The following IMPG1 variants were observed in gnomAD, a reference collection of about 807,000 sequenced individuals.
IMPG1 encodes interphotoreceptor matrix proteoglycan of 150 kDa.
In IMPG1, 85 loss-of-function variants were observed where a neutral mutation model predicts 92.0. That is an observed-to-expected ratio of 0.92 (90% CI 0.78 to 1.11). The LOEUF (loss-of-function observed/expected upper bound fraction) is 1.11. Among genes scored for constraint, IMPG1 ranks in the 50% least tolerant of loss-of-function variants. The pLI is 0.00. For synonymous variants in IMPG1, 367 were observed against 334.1 expected (o/e 1.10, Z -1.08); for missense variants, 1,022 against 956.0 (o/e 1.07, Z -0.91).
intron 14 of IMPG1, among the ~76,000 whole-genome samples, chr6:75,932,638 T>A (rs1781683969): frequency 6.6e-6 from 1 of 152,154 alleles, no homozygotes; most frequent in Non-Finnish European, 1.5e-5. Context: ...ATCTGCCATA[T>A]CCCAAAGACA....
rs1169957347 is a variant in IMPG1 at position 76,028,376 on chromosome 6, T to C, written c.498-3118A>G. On this transcript the variant is annotated intron_variant, in intron 4 of 16. Transcript: ENST00000369950. Reference sequence around the variant, plus strand: ...AATAAAGGAAAATGTACAGGACTCATGAGGAGCTGAAATGCTCACGAATAT... The same window carrying C: ...AATAAAGGAAAATGTACAGGACTCACGAGGAGCTGAAATGCTCACGAATAT... 3.3e-5 allele frequency among the ~76,000 whole-genome samples: 5 copies of C among 152,352 alleles called. No homozygotes were observed. In the East Asian group the frequency reaches 9.6e-4, roughly 29 times the overall value.
At chr6:75,961,193 A>G (rs1489062063) in intron 12 of IMPG1, among the ~76,000 whole-genome samples, 3 of 152,342 alleles carry the variant, frequency 2.0e-5, no homozygotes, top group East Asian at 1.9e-4. Flanking sequence ...GGTCACATAT[A>G]TATGCTGAAC....
rs558868935 is a variant in IMPG1, at chr6:75,980,031, C to T, written c.1291+22887G>A. Among the ~76,000 whole-genome samples the T allele has an allele frequency of 2.0e-4, 30 of 152,250 alleles. No homozygotes were observed. In the East Asian group the frequency reaches 2.3e-3, roughly 12 times the overall value. On this transcript the variant is annotated intron_variant, in intron 12 of 16. Transcript: ENST00000369950. ...GTATTGTATTGGGGGATTAGCTACT[C>T]GGGTACCACCTGAAGAGTAGGTCTG...
chr6:76,025,136 T>A, intron 5 of IMPG1, 58 bp downstream of exon 5: 3 of 937,550 alleles, frequency 3.2e-6, no homozygotes, highest in Non-Finnish European at 1.7e-6. Context: ...ATAAATAACA[T>A]GCTATCATGA....
At chr6:76,001,380 T>C (rs1320874298) in intron 12 of IMPG1, among the ~76,000 whole-genome samples, 1 of 152,230 alleles carries the variant, frequency 6.6e-6, no homozygotes, top group African/African-American at 2.4e-5. Flanking sequence ...ATATGGATTG[T>C]GGTTAATTAT....
chr6:76,037,549 C>G (rs146105215), intron 2 of IMPG1, among the ~76,000 whole-genome samples: 52 of 152,312 alleles, frequency 3.4e-4, no homozygotes, highest in African/African-American at 1.1e-3. Flanking sequence ...TCTGACCCTT[C>G]ATCTCTGGTC....
intron 1 of IMPG1, among the ~76,000 whole-genome samples, chr6:76,055,750 T>C (rs1463019166): frequency 6.6e-6 from 1 of 152,034 alleles, no homozygotes; most frequent in Admixed American, 6.6e-5. Context: ...TACAAAATGT[T>C]CTATAAACAT....
chr6:76,056,611 G>C (rs1408410188), intron 1 of IMPG1, among the ~76,000 whole-genome samples: 1 of 152,108 alleles, frequency 6.6e-6, no homozygotes, highest in African/African-American at 2.4e-5. Context: ...CTTCCATACT[G>C]TTTTCCAAAA....
intron 1 of IMPG1, among the ~76,000 whole-genome samples, chr6:76,066,958 A>G (rs369457556): frequency 1.3e-5 from 2 of 152,240 alleles, no homozygotes; most frequent in East Asian, 3.9e-4. Flanking sequence ...CTGTGGGTCA[A>G]TGACAAAATT....
chr6:76,037,002 A>G (rs1783751998), intron 2 of IMPG1, among the ~76,000 whole-genome samples: 1 of 152,206 alleles, frequency 6.6e-6, no homozygotes, highest in Non-Finnish European at 1.5e-5. Flanking sequence ...AAGCCTCCCT[A>G]TAAGCATTTG....
intron 12 of IMPG1, among the ~76,000 whole-genome samples, chr6:75,974,377 T>TTC (rs1325582811): frequency 3.6e-5 from 4 of 111,642 alleles, no homozygotes; most frequent in East Asian, 3.0e-4. Flanking sequence ...CTTTCTTTCT[T>TTC]TCTTTCTTTC....
In IMPG1 at chr6:76,055,214, T is replaced by C. The variant is rs1024040836; in HGVS notation, c.68-13088A>G. 2.0e-5 allele frequency among the ~76,000 whole-genome samples: 3 copies of C among 152,196 alleles called. No individual in the cohort carries two copies. In the East Asian group the frequency reaches 5.8e-4, roughly 29 times the overall value. ...TTGAAAAGGACTGATAACATATGCATCATGTTCTCAGACTAATAGAGAAGT... is the reference window on the plus strand; with the variant it reads ...TTGAAAAGGACTGATAACATATGCACCATGTTCTCAGACTAATAGAGAAGT... On this transcript the variant is annotated intron_variant, in intron 1 of 16. Transcript: ENST00000369950.
chr6:76,020,950 C>T (rs1270890655), intron 6 of IMPG1, among the ~76,000 whole-genome samples: 1 of 152,164 alleles, frequency 6.6e-6, no homozygotes, highest in Non-Finnish European at 1.5e-5. Context: ...CAAAGTCATC[C>T]TTTGTGGGTA....
intron 7 of IMPG1, among the ~76,000 whole-genome samples, chr6:76,015,460 C>A (rs1001923025): frequency 6.6e-6 from 1 of 152,104 alleles, no homozygotes; most frequent in East Asian, 1.9e-4. Flanking sequence ...CAAGATTGGG[C>A]AGGATGTACT....
chr6:75,933,860 A>G (rs1175738569), intron 14 of IMPG1, among the ~76,000 whole-genome samples: 1 of 152,252 alleles, frequency 6.6e-6, no homozygotes, highest in South Asian at 2.1e-4. Flanking sequence ...TGTCTTCAAT[A>G]ATATTCACAG....
chr6:75,950,495 A>T lies in IMPG1; in HGVS notation c.1824+67T>A, dbSNP rs560959936. ...TAATTGCTCAAGACAGCCAATAATT[A>T]TATTATAAAATAACAACAAAGAAAG... On this transcript the variant is annotated intron_variant, in intron 13 of 16. Coordinates refer to ENST00000369950, the MANE Select transcript of IMPG1 (RefSeq NM_001563.4). The T allele has an allele frequency of 3.7e-6, 5 of 1,347,968 alleles. No individual in the cohort carries two copies. The East Asian group carries it at 1.0e-4, about 27-fold the overall frequency. The allele number at this position is 1,347,968 out of a possible 1,614,324, so 83.5% of individuals were successfully genotyped here.
chr6:75,932,991 G>A (rs1025863982), intron 14 of IMPG1, among the ~76,000 whole-genome samples: 7 of 152,106 alleles, frequency 4.6e-5, no homozygotes, highest in Non-Finnish European at 8.8e-5. Flanking sequence ...GTGAGCCACC[G>A]CGCCTGGTCT....
At chr6:76,036,752 C>T (rs545684887) in intron 2 of IMPG1, among the ~76,000 whole-genome samples, 1 of 146,878 alleles carries the variant, frequency 6.8e-6, no homozygotes, top group South Asian at 2.2e-4. Context: ...AGAATTTGCT[C>T]ACGTATCTGT....
intron 12 of IMPG1, among the ~76,000 whole-genome samples, chr6:75,964,776 T>C (rs1582070939): frequency 6.6e-6 from 1 of 151,898 alleles, no homozygotes; most frequent in Non-Finnish European, 1.5e-5. Context: ...AACTATAGCA[T>C]AATATCAAAC....
Sources: gnomAD v4.1 joint callset for allele counts (sites outside exome capture counted in the v4.1 genomes callset) on GRCh38, gnomAD v4.1.1 for gene constraint, MANE v1.5 for transcripts, NCBI Gene and HGNC (gene_info 2026-07-23, HGNC 2026-07-21) for gene names.